The following RANBP17 variants were observed in gnomAD, a reference collection of about 807,000 sequenced individuals.
RANBP17 encodes ran-binding protein 17.
A neutral mutation model predicts 141.2 loss-of-function variants in RANBP17; 158 were observed. The observed-to-expected ratio is 1.12, with a 90% CI of 0.98 to 1.28. The LOEUF is 1.28. Ranked by LOEUF, RANBP17 falls within the 50% of genes most tolerant of loss-of-function variation. The probability of loss-of-function intolerance (pLI) is 0.00; values close to 1 mark genes in which losing one functional copy is unlikely to be tolerated. For synonymous variants in RANBP17, 430 were observed against 450.0 expected (o/e 0.96, Z 0.56); for missense variants, 1,438 against 1,290.7 (o/e 1.11, Z -1.75).
chr5:171,255,669 CAT>C (rs913752604), intron 24 of RANBP17, among the ~76,000 whole-genome samples: 5 of 151,988 alleles, frequency 3.3e-5, no homozygotes, highest in African/African-American at 1.2e-4. Flanking sequence ...ACTTTTAAAA[CAT>C]ATAGGGTCAG....
chr5:171,006,041 A>G (rs1042530519), intron 14 of RANBP17, among the ~76,000 whole-genome samples: 5 of 152,200 alleles, frequency 3.3e-5, no homozygotes, highest in East Asian at 1.9e-4. Context: ...CAAAACCACA[A>G]TGAGATACCA....
At chr5:170,906,102 T>C (rs1243646074) in intron 5 of RANBP17, among the ~76,000 whole-genome samples, 2 of 152,040 alleles carry the variant, frequency 1.3e-5, no homozygotes, top group African/African-American at 4.8e-5. Context: ...AGGACGTTCT[T>C]GTACCTAACC....
intron 14 of RANBP17, 47 bp from the exon 15 acceptor site, chr5:171,170,083 A>G (rs774952254): frequency 3.9e-6 from 4 of 1,016,974 alleles, no homozygotes; most frequent in Middle Eastern, 2.2e-4. Flanking sequence ...TCTTTTGAAA[A>G]TATATGTTAA....
intron 7 of RANBP17, among the ~76,000 whole-genome samples, chr5:170,912,223 T>G (rs1771585655): frequency 6.7e-6 from 1 of 149,776 alleles, no homozygotes; most frequent in Admixed American, 6.7e-5. Context: ...AATAAAAAAT[T>G]TCACAGACTG....
At chr5:171,279,014 C>G (rs1767695181) in intron 25 of RANBP17, among the ~76,000 whole-genome samples, 1 of 152,136 alleles carries the variant, frequency 6.6e-6, no homozygotes, top group Non-Finnish European at 1.5e-5. Flanking sequence ...CAGGAGATTC[C>G]AAGCCCAAGA....
intron 14 of RANBP17, among the ~76,000 whole-genome samples, chr5:171,077,212 C>T (rs976116502): frequency 1.3e-5 from 2 of 151,920 alleles, no homozygotes; most frequent in African/African-American, 2.4e-5. Context: ...TGGTGGCGGG[C>T]GCCTGTAGTC....
intron 12 of RANBP17, among the ~76,000 whole-genome samples, chr5:170,936,229 C>T (rs1052750251): frequency 2.0e-5 from 3 of 152,158 alleles, no homozygotes; most frequent in East Asian, 3.9e-4. Context: ...AATTCCTGGA[C>T]CTCTTGCGCT....
At chr5:171,221,575 A>C (rs143110259) in intron 21 of RANBP17, among the ~76,000 whole-genome samples, 183 bp from the exon 22 acceptor site, 1 of 152,210 alleles carries the variant, frequency 6.6e-6, no homozygotes, top group Non-Finnish European at 1.5e-5. Context: ...TAATTGTCCT[A>C]CTATCTTTAG....
intron 14 of RANBP17, among the ~76,000 whole-genome samples, chr5:170,994,663 T>C (rs562585394): frequency 2.6e-5 from 4 of 152,178 alleles, no homozygotes; most frequent in African/African-American, 9.6e-5. Flanking sequence ...TACTTGCTTA[T>C]TTGTTGTCTT....
chr5:171,298,148 G>A (rs542711174), intron 27 of RANBP17, among the ~76,000 whole-genome samples: 27 of 152,160 alleles, frequency 1.8e-4, no homozygotes, highest in Non-Finnish European at 3.1e-4. Context: ...ATGAGCCACC[G>A]CACCCAGCCT....
At chr5:171,130,623 A>G (rs1756845848) in intron 14 of RANBP17, among the ~76,000 whole-genome samples, 1 of 151,602 alleles carries the variant, frequency 6.6e-6, no homozygotes, top group South Asian at 2.1e-4. Context: ...TTTAGTAGAG[A>G]CGGGGTTTCT....
intron 19 of RANBP17, among the ~76,000 whole-genome samples, chr5:171,201,508 A>G (rs984552041): frequency 3.9e-5 from 6 of 152,224 alleles, no homozygotes; most frequent in African/African-American, 9.6e-5. Flanking sequence ...ATGTTCATCA[A>G]AAGACGCCCT....
intron 21 of RANBP17, among the ~76,000 whole-genome samples, chr5:171,216,188 G>A (rs536747637): frequency 1.3e-5 from 2 of 152,192 alleles, no homozygotes; most frequent in Admixed American, 1.3e-4. Context: ...TTATTGTCAG[G>A]TTTGTCAAAG....
chr5:171,037,053 C>T (rs549996845), intron 14 of RANBP17, among the ~76,000 whole-genome samples: 2 of 152,296 alleles, frequency 1.3e-5, no homozygotes, highest in East Asian at 1.9e-4. Context: ...ATGTTCCCCC[C>T]CAACAGTGTA....
intron 24 of RANBP17, among the ~76,000 whole-genome samples, chr5:171,262,959 CTTTCTGT>C (rs1766432233): frequency 6.6e-6 from 1 of 152,174 alleles, no homozygotes; most frequent in Admixed American, 6.5e-5. Flanking sequence ...AAACTTCCCT[CTTTCTGT>C]TTTCCATGAC....
intron 13 of RANBP17, among the ~76,000 whole-genome samples, chr5:170,954,095 G>T (rs1254902529): frequency 6.6e-6 from 1 of 152,068 alleles, no homozygotes; most frequent in African/African-American, 2.4e-5. Flanking sequence ...CACAGTCTTA[G>T]GAAAAAGCAG....
chr5:171,196,275 A>G (rs891266137), intron 18 of RANBP17, among the ~76,000 whole-genome samples: 1 of 152,124 alleles, frequency 6.6e-6, no homozygotes, highest in Non-Finnish European at 1.5e-5. Context: ...ACATTACTGT[A>G]TTTATAGTAT....
intron 11 of RANBP17, among the ~76,000 whole-genome samples, chr5:170,921,671 C>A (rs966156789): frequency 6.6e-6 from 1 of 152,068 alleles, no homozygotes; most frequent in Admixed American, 6.6e-5. Flanking sequence ...CTATAAATTA[C>A]CTTGGGCAGT....
At chr5:171,137,874 C>T (rs765501160) in intron 14 of RANBP17, among the ~76,000 whole-genome samples, 49 of 151,308 alleles carry the variant, frequency 3.2e-4, no homozygotes, top group Non-Finnish European at 6.6e-4. Flanking sequence ...TCCTATATGT[C>T]ACCCCAAATA....
Sources: allele counts gnomAD v4.1 joint callset (sites outside exome capture counted in the v4.1 genomes callset), GRCh38; gene constraint gnomAD v4.1.1; transcripts MANE v1.5; gene names NCBI Gene and HGNC (gene_info 2026-07-23, HGNC 2026-07-21).